Variants in PTPRM observed in about 807,000 individuals in gnomAD.
PTPRM encodes receptor-type tyrosine-protein phosphatase mu.
A neutral mutation model predicts 186.7 loss-of-function variants in PTPRM; 47 were observed. That is an observed-to-expected ratio of 0.25 (90% CI 0.20 to 0.32). PTPRM has a LOEUF of 0.32. PTPRM is among the 10% of genes least tolerant of loss of function. The probability of loss-of-function intolerance (pLI) is 1.00; values close to 1 mark genes in which losing one functional copy is unlikely to be tolerated. For missense variants in PTPRM, 1,494 were observed against 1,865.0 expected (o/e 0.80, Z 3.66); for synonymous variants, 668 against 674.9 (o/e 0.99, Z 0.16).
intron 12 of PTPRM, 136 bp downstream of exon 12, chr18:8,113,895 T>C: frequency 1.0e-6 from 1 of 986,472 alleles, no homozygotes; most frequent in Non-Finnish European, 1.4e-6. Flanking sequence ...TTTCTTCTCT[T>C]AAAATTATTT....
Position 8,319,161 on chromosome 18 carries a change from C to A in PTPRM, c.2920-17C>A. 1 of 1,498,602 alleles carries A rather than the reference C, an allele frequency of 6.7e-7. No individual in the cohort carries two copies. Among genetic ancestry groups the A allele is most frequent in the Non-Finnish European group, 9.2e-7 (1 of 1,082,474 alleles). The allele number at this position is 1,498,602 out of a possible 1,614,324, so 92.8% of individuals were successfully genotyped here. Reference sequence around the variant, plus strand: ...CGATTTTATGTTTATCAAATATTCTCTTTTATTTATTTTTAGGGTTATCAT... The same window carrying A: ...CGATTTTATGTTTATCAAATATTCTATTTTATTTATTTTTAGGGTTATCAT... On this transcript the variant is annotated splice_polypyrimidine_tract_variant and intron_variant, in intron 21 of 32. Transcript: ENST00000580170.
intron 14 of PTPRM, among the ~76,000 whole-genome samples, chr18:8,236,046 C>T (rs1385141689): frequency 6.6e-6 from 1 of 152,096 alleles, no homozygotes; most frequent in South Asian, 2.1e-4. Flanking sequence ...GTGTATTCTG[C>T]TGCTGGTGGA....
At chr18:7,807,489 C>T (rs1023860201) in intron 2 of PTPRM, among the ~76,000 whole-genome samples, 1 of 152,190 alleles carries the variant, frequency 6.6e-6, no homozygotes, top group Non-Finnish European at 1.5e-5. Flanking sequence ...CAACCCCCAC[C>T]ACCTCCCGCC....
intron 1 of PTPRM, among the ~76,000 whole-genome samples, chr18:7,615,948 A>C (rs2037793153): frequency 6.6e-6 from 1 of 152,066 alleles, no homozygotes; most frequent in African/African-American, 2.4e-5. Flanking sequence ...CCGCATACAC[A>C]GTTCACAATA....
chr18:7,570,244 G>T lies in PTPRM; in HGVS notation c.73+2353G>T, dbSNP rs912269251. Among the ~76,000 whole-genome samples the T allele has an allele frequency of 2.0e-5, 3 of 152,186 alleles. No homozygotes were observed. The East Asian group carries it at 5.8e-4, about 29-fold the overall frequency. ...TTAGGTAGTACAGGTGTGAATCAGG[G>T]TTTTGTTTTTTGTTTTTGTATGTTG... On this transcript the variant is annotated intron_variant, in intron 1 of 32. Coordinates refer to ENST00000580170, the MANE Select transcript of PTPRM (RefSeq NM_001105244.2).
intron 7 of PTPRM, among the ~76,000 whole-genome samples, chr18:7,999,630 AT>A (rs1375485538): frequency 6.6e-6 from 1 of 151,720 alleles, no homozygotes; most frequent in Non-Finnish European, 1.5e-5. Context: ...TTGGTGCAAA[AT>A]TGACAATGGC....
At chr18:7,821,180 AG>A (rs537941646) in intron 2 of PTPRM, among the ~76,000 whole-genome samples, 2 of 152,242 alleles carry the variant, frequency 1.3e-5, no homozygotes, top group South Asian at 4.2e-4. Context: ...TGGCTTAGCA[AG>A]GCAATCCCAT....
chr18:7,833,503 G>A lies in PTPRM; in HGVS notation c.197-54603G>A, dbSNP rs1464538418. ...AATCCCAGCACTTTGTGAGGCCAAC[G>A]TGGGCAGATCACCTGAGGTCAGGAG... On this transcript the variant is annotated intron_variant, in intron 2 of 32. Transcript: ENST00000580170. 3.3e-5 allele frequency among the ~76,000 whole-genome samples: 5 copies of A among 152,158 alleles called. No individual in the cohort carries two copies. The South Asian group carries it at 6.2e-4, about 19-fold the overall frequency.
chr18:8,361,506 T>C (rs932274297), intron 23 of PTPRM, among the ~76,000 whole-genome samples: 4 of 152,210 alleles, frequency 2.6e-5, no homozygotes, highest in Non-Finnish European at 5.9e-5. Context: ...ATTCTCCAGA[T>C]AATAAACAAA....
intron 9 of PTPRM, among the ~76,000 whole-genome samples, chr18:8,080,410 G>A (rs2090064238): frequency 6.6e-6 from 1 of 152,176 alleles, no homozygotes; most frequent in African/African-American, 2.4e-5. Context: ...GACAAAAGTA[G>A]AAAAGGTACT....
chr18:8,172,647 T>C (rs2093420205), intron 14 of PTPRM, among the ~76,000 whole-genome samples: 2 of 151,218 alleles, frequency 1.3e-5, no homozygotes, highest in Non-Finnish European at 2.9e-5. Context: ...ATTTCTTGTG[T>C]CCTAATTGTG....
intron 7 of PTPRM, among the ~76,000 whole-genome samples, chr18:8,057,124 A>T (rs2088029821): frequency 6.6e-6 from 1 of 150,948 alleles, no homozygotes; most frequent in Admixed American, 6.7e-5. Flanking sequence ...AGATATATAT[A>T]ATAAAAGTAC....
chr18:8,140,333 G>C (rs1053457540), intron 13 of PTPRM, among the ~76,000 whole-genome samples: 2 of 152,056 alleles, frequency 1.3e-5, no homozygotes, highest in African/African-American at 4.8e-5. Context: ...CTGGCTTGCT[G>C]CTGTTATTTA....
chr18:8,169,363 T>C (rs776176265), intron 14 of PTPRM, among the ~76,000 whole-genome samples: 1 of 151,858 alleles, frequency 6.6e-6, no homozygotes, highest in Non-Finnish European at 1.5e-5. Context: ...AAAAAATGCT[T>C]ATCAAATTAG....
chr18:8,173,520 A>G lies in PTPRM; in HGVS notation c.2300+29741A>G, dbSNP rs138686508. ...CCAGTGGGTTCTTGCTGCCTGCTGC[A>G]CAGATAAAACCAATTCACTGAGACT... On this transcript the variant is annotated intron_variant, in intron 14 of 32. Coordinates refer to ENST00000580170, the MANE Select transcript of PTPRM (RefSeq NM_001105244.2). Among the ~76,000 whole-genome samples, 770 of 152,352 alleles carry G rather than the reference A, an allele frequency of 5.1e-3. 8 individuals carry two copies. The highest frequency in any genetic ancestry group is 0.017 in the African/African-American group (720 of 41,582).
chr18:7,635,441 C>G (rs1440271272), intron 1 of PTPRM, among the ~76,000 whole-genome samples: 1 of 152,038 alleles, frequency 6.6e-6, no homozygotes, highest in East Asian at 1.9e-4. Flanking sequence ...AGTTAGCACC[C>G]AATAAATATT....
chr18:7,939,492 G>C (rs1240050045), intron 5 of PTPRM, among the ~76,000 whole-genome samples: 1 of 152,206 alleles, frequency 6.6e-6, no homozygotes, highest in Admixed American at 6.5e-5. Flanking sequence ...AGAGAAGGTT[G>C]TAAGTCTAAT....
intron 22 of PTPRM, among the ~76,000 whole-genome samples, chr18:8,319,415 G>A (rs2095331733): frequency 6.6e-6 from 1 of 152,192 alleles, no homozygotes; most frequent in Non-Finnish European, 1.5e-5. Context: ...ATCATTAGGA[G>A]AAATGTGTCC....
At chr18:7,781,039 A>T (rs1214482839) in intron 2 of PTPRM, among the ~76,000 whole-genome samples, 1 of 152,182 alleles carries the variant, frequency 6.6e-6, no homozygotes, top group Non-Finnish European at 1.5e-5. Flanking sequence ...CTTAGCCTCT[A>T]ACCCGGCCCA....
Sources: allele counts gnomAD v4.1 joint callset (sites outside exome capture counted in the v4.1 genomes callset), GRCh38; gene constraint gnomAD v4.1.1; transcripts MANE v1.5; gene names NCBI Gene and HGNC (gene_info 2026-07-23, HGNC 2026-07-21).